Variants in FNDC3B observed in about 807,000 individuals in gnomAD.
The protein encoded by FNDC3B is fibronectin type III domain-containing protein 3B.
In FNDC3B, 12 loss-of-function variants were observed where a neutral mutation model predicts 151.5. The ratio of observed to expected loss-of-function variants is 0.08; its 90% confidence interval spans 0.05 to 0.13. FNDC3B has a LOEUF of 0.13. FNDC3B is among the 10% of genes least tolerant of loss of function. The probability of loss-of-function intolerance (pLI) is 1.00; values close to 1 mark genes in which losing one functional copy is unlikely to be tolerated. For missense variants in FNDC3B, 1,214 were observed against 1,505.3 expected, an observed-to-expected ratio of 0.81 and a Z score of 3.20; for synonymous variants, 528 against 549.0, an observed-to-expected ratio of 0.96 and a Z score of 0.54.
chr3:172,119,709 T>A (rs762441744), intron 2 of FNDC3B, among the ~76,000 whole-genome samples: 6 of 152,226 alleles, frequency 3.9e-5, no homozygotes, highest in Non-Finnish European at 7.3e-5. Context: ...ATCTGCATAG[T>A]CGGTGATCTC....
chr3:172,265,430 G>T (rs567891371), intron 6 of FNDC3B, among the ~76,000 whole-genome samples: 1 of 152,218 alleles, frequency 6.6e-6, no homozygotes, highest in Admixed American at 6.5e-5. Flanking sequence ...ATTTTCAGGG[G>T]AGCAGTAGAT....
intron 22 of FNDC3B, among the ~76,000 whole-genome samples, chr3:172,355,810 C>T (rs1382808138): frequency 6.6e-6 from 1 of 152,142 alleles, no homozygotes; most frequent in East Asian, 1.9e-4. Flanking sequence ...TGCCTCCAAC[C>T]TCTTCTTTAA....
chr3:172,287,851 A>G (rs1460891013), intron 7 of FNDC3B, among the ~76,000 whole-genome samples: 1 of 152,228 alleles, frequency 6.6e-6, no homozygotes. Context: ...GGGCAGGGTA[A>G]TAGGCTTTTT....
chr3:172,285,805 T>C (rs373774790), intron 6 of FNDC3B, 121 bp from the exon 7 acceptor site: 7 of 709,280 alleles, frequency 9.9e-6, no homozygotes, highest in African/African-American at 7.3e-5. Context: ...ATATCAAAAA[T>C]TCATGATAAC....
intron 4 of FNDC3B, among the ~76,000 whole-genome samples, chr3:172,239,853 GTTCTTT>G (rs1727391926): frequency 1.5e-5 from 1 of 65,876 alleles, no homozygotes; most frequent in African/African-American, 5.7e-5. Flanking sequence ...ATCCATTTTA[GTTCTTT>G]TTTTTTTTTT....
intron 6 of FNDC3B, among the ~76,000 whole-genome samples, chr3:172,275,773 A>T (rs898126182): frequency 6.6e-6 from 1 of 150,750 alleles, no homozygotes; most frequent in Admixed American, 6.6e-5. Flanking sequence ...AAGACAGTGC[A>T]TTTTTCTTTT....
At chr3:172,393,684 G>A (rs1736132173) in intron 25 of FNDC3B, among the ~76,000 whole-genome samples, 1 of 152,118 alleles carries the variant, frequency 6.6e-6, no homozygotes, top group African/African-American at 2.4e-5. Context: ...ATCAATGCCA[G>A]AAGGAATTTT....
intron 3 of FNDC3B, among the ~76,000 whole-genome samples, chr3:172,217,060 A>G (rs144317498): frequency 1.2e-3 from 166 of 136,820 alleles, no homozygotes; most frequent in East Asian, 7.6e-3. Context: ...GCACCTGTGC[A>G]TTACTCATTC....
Position 172,363,082 on chromosome 3 carries a change from T to C in FNDC3B, c.3008+237T>C, listed in dbSNP as rs184473079. On this transcript the variant is annotated intron_variant, in intron 23 of 25. Transcript: ENST00000415807. ...ACATAGCATAATATGCACTTTTTTT[T>C]CCTTTCATCAAGCCAGATAATGGAG... Among the ~76,000 whole-genome samples, 133 of 152,082 alleles carry C rather than the reference T, an allele frequency of 8.7e-4. 1 individual carries two copies. The highest frequency in any genetic ancestry group is 1.6e-3 in the Non-Finnish European group (106 of 67,940).
At chr3:172,080,085 C>A (rs553753355) in intron 1 of FNDC3B, among the ~76,000 whole-genome samples, 2 of 152,074 alleles carry the variant, frequency 1.3e-5, no homozygotes, top group Non-Finnish European at 2.9e-5. Context: ...TTGCTAATGA[C>A]AATCAGTTAC....
At chr3:172,234,571 C>T (rs1208655137) in intron 4 of FNDC3B, among the ~76,000 whole-genome samples, 1 of 152,198 alleles carries the variant, frequency 6.6e-6, no homozygotes, top group Non-Finnish European at 1.5e-5. Flanking sequence ...CAAAAGCAGT[C>T]ATTACCAAAG....
At chr3:172,172,047 G>A (rs569520874) in intron 3 of FNDC3B, among the ~76,000 whole-genome samples, 1 of 152,020 alleles carries the variant, frequency 6.6e-6, no homozygotes, top group East Asian at 1.9e-4. Flanking sequence ...CTCCTCCTTC[G>A]CCTCTCATAA....
chr3:172,254,942 T>C (rs1728256577), intron 6 of FNDC3B, among the ~76,000 whole-genome samples: 1 of 152,242 alleles, frequency 6.6e-6, no homozygotes. Flanking sequence ...ATTTCCATTA[T>C]TAAATATTAA....
At chr3:172,136,373 A>ACAG (rs1250797598) in intron 3 of FNDC3B, among the ~76,000 whole-genome samples, 4 of 152,190 alleles carry the variant, frequency 2.6e-5, no homozygotes, top group Non-Finnish European at 5.9e-5. Context: ...AGACAGTGTG[A>ACAG]TGCAGGGAGT....
chr3:172,231,410 CTG>C (rs1726881613), intron 4 of FNDC3B, among the ~76,000 whole-genome samples: 2 of 152,304 alleles, frequency 1.3e-5, no homozygotes, highest in South Asian at 2.1e-4. Context: ...AAATTGGACA[CTG>C]TGACCGGATG....
chr3:172,249,543 A>G (rs544839095), intron 5 of FNDC3B, among the ~76,000 whole-genome samples: 2 of 152,208 alleles, frequency 1.3e-5, no homozygotes, highest in African/African-American at 2.4e-5. Context: ...CTTAGTGTGC[A>G]TACCTAAAAG....
At chr3:172,244,649 G>T (rs2108766873) in intron 4 of FNDC3B, among the ~76,000 whole-genome samples, 2 of 113,076 alleles carry the variant, frequency 1.8e-5, no homozygotes, top group Middle Eastern at 0.014. Context: ...TTTTGAGTCG[G>T]CGTCTCCGTC....
At chr3:172,095,792 AAAAC>A (rs138577405) in intron 1 of FNDC3B, among the ~76,000 whole-genome samples, 94,840 of 150,984 alleles carry the variant, frequency 0.63, 30,034 homozygotes, top group East Asian at 0.77. Context: ...CTTTGTTAAA[AAAAC>A]AAACAAACAA....
intron 3 of FNDC3B, among the ~76,000 whole-genome samples, chr3:172,162,190 G>A (rs1309008317): frequency 6.6e-6 from 1 of 152,092 alleles, no homozygotes; most frequent in Admixed American, 6.6e-5. Flanking sequence ...TGTTGGCCAG[G>A]CTGTTCTCAA....
Sources: allele counts gnomAD v4.1 joint callset (sites outside exome capture counted in the v4.1 genomes callset), GRCh38; gene constraint gnomAD v4.1.1; transcripts MANE v1.5; gene names NCBI Gene and HGNC (gene_info 2026-07-23, HGNC 2026-07-21).